Variants in UTRN observed in about 807,000 individuals in gnomAD.
UTRN encodes utrophin, also known as dystrophin-related protein 1.
In UTRN, 283 loss-of-function variants were observed where a neutral mutation model predicts 463.9. The ratio of observed to expected loss-of-function variants is 0.61; its 90% confidence interval spans 0.55 to 0.67. UTRN has a LOEUF of 0.67. UTRN is among the 30% of genes least tolerant of loss of function. UTRN has a pLI of 0.00. For synonymous variants in UTRN, 1,442 were observed against 1,431.5 expected, an observed-to-expected ratio of 1.01 and a Z score of -0.17; for missense variants, 3,922 against 4,084.3, an observed-to-expected ratio of 0.96 and a Z score of 1.08.
intron 1 of UTRN, among the ~76,000 whole-genome samples, chr6:144,291,504 T>G (rs1490369415): frequency 2.6e-5 from 4 of 152,240 alleles, no homozygotes; most frequent in Non-Finnish European, 5.9e-5. Flanking sequence ...ATTTGTAGTC[T>G]GTCAGTATTG....
intron 34 of UTRN, among the ~76,000 whole-genome samples, chr6:144,504,559 T>G (rs1345910663): frequency 6.6e-6 from 1 of 151,950 alleles, no homozygotes; most frequent in Admixed American, 6.6e-5. Context: ...GTGTATGGAT[T>G]ACATTTATTG....
intron 14 of UTRN, among the ~76,000 whole-genome samples, chr6:144,446,307 G>A (rs111405629): frequency 0.023 from 3,430 of 152,104 alleles, 63 homozygotes; most frequent in Middle Eastern, 0.092. Flanking sequence ...CTGTCTGATG[G>A]CATCATTATT....
At chr6:144,452,455 T>C (rs985740889) in intron 18 of UTRN, among the ~76,000 whole-genome samples, 1 of 152,132 alleles carries the variant, frequency 6.6e-6, no homozygotes, top group Non-Finnish European at 1.5e-5. Flanking sequence ...GAATAATATA[T>C]AAATATCAGT....
intron 51 of UTRN, among the ~76,000 whole-genome samples, chr6:144,578,610 C>G (rs1801671036): frequency 6.6e-6 from 1 of 152,216 alleles, no homozygotes; most frequent in African/African-American, 2.4e-5. Context: ...GCTGGGATTA[C>G]AGGCCTGAGC....
intron 51 of UTRN, among the ~76,000 whole-genome samples, chr6:144,592,769 C>T (rs753568356): frequency 2.6e-5 from 4 of 152,172 alleles, no homozygotes; most frequent in Non-Finnish European, 5.9e-5. Flanking sequence ...CTTGTATCCT[C>T]ACAGACAATA....
intron 2 of UTRN, among the ~76,000 whole-genome samples, chr6:144,357,040 G>T (rs561437044): frequency 6.6e-6 from 1 of 152,138 alleles, no homozygotes; most frequent in Non-Finnish European, 1.5e-5. Context: ...AGGAAGAAAT[G>T]TAAGTTCTAT....
At chr6:144,708,069 CT>C (rs71028303) in intron 53 of UTRN, 3,965 of 169,362 alleles carry the variant, frequency 0.023, 3 homozygotes, top group Middle Eastern at 0.033. Context: ...TGAAAATTAA[CT>C]TTTTTTTTTT....
chr6:144,764,638 TA>T (rs1793068641), intron 58 of UTRN, among the ~76,000 whole-genome samples: 3 of 152,130 alleles, frequency 2.0e-5, no homozygotes, highest in Admixed American at 2.0e-4. Context: ...ATTAAATTTT[TA>T]AAACTGCCAT....
At chr6:144,521,693 G>GT (rs1185260240) in intron 39 of UTRN, among the ~76,000 whole-genome samples, 1 of 152,032 alleles carries the variant, frequency 6.6e-6, no homozygotes, top group Non-Finnish European at 1.5e-5. Context: ...AGGAATTGTT[G>GT]TTTTTTGTTT....
intron 51 of UTRN, among the ~76,000 whole-genome samples, chr6:144,651,412 A>C (rs1347629115): frequency 6.6e-6 from 1 of 152,206 alleles, no homozygotes. Flanking sequence ...AGAAAAATCA[A>C]GGTTCAGACA....
chr6:144,592,006 G>A (rs1585438730), intron 51 of UTRN, among the ~76,000 whole-genome samples: 1 of 152,092 alleles, frequency 6.6e-6, no homozygotes, highest in East Asian at 1.9e-4. Flanking sequence ...TGCAGGCTAG[G>A]GTGGTTGTAA....
chr6:144,511,630 A>G (rs548316962), intron 35 of UTRN, among the ~76,000 whole-genome samples: 89 of 152,306 alleles, frequency 5.8e-4, no homozygotes, highest in Non-Finnish European at 1.1e-3. Flanking sequence ...CAGTTTTGCA[A>G]TGATTGATTA....
rs1484782146 is a variant in UTRN at position 144,486,070 on chromosome 6, TAAC to T, written c.3822+552_3822+554del. Among the ~76,000 whole-genome samples, 4 of 152,196 alleles carry T rather than the reference TAAC, an allele frequency of 2.6e-5. No individual in the cohort carries two copies. The East Asian group carries it at 7.7e-4, about 29-fold the overall frequency. On this transcript the variant is annotated intron_variant, in intron 28 of 74. Transcript: ENST00000367545. ...TCCCAGCACAGTGTGTAGCACATGT[TAAC>T]TTAATAACCGTTTCTTAAATGAAAT...
intron 58 of UTRN, among the ~76,000 whole-genome samples, chr6:144,764,237 G>A (rs765541622): frequency 2.0e-5 from 3 of 152,082 alleles, no homozygotes; most frequent in Non-Finnish European, 4.4e-5. Context: ...AGCATACCTT[G>A]GCTAACTAAA....
intron 53 of UTRN, among the ~76,000 whole-genome samples, chr6:144,716,486 A>C (rs1318294086): frequency 6.6e-6 from 1 of 152,198 alleles, no homozygotes; most frequent in African/African-American, 2.4e-5. Flanking sequence ...TAATTGTTAC[A>C]AATACAAAAA....
intron 50 of UTRN, among the ~76,000 whole-genome samples, chr6:144,564,748 A>T (rs1800248930): frequency 6.6e-6 from 1 of 152,116 alleles, no homozygotes. Context: ...AACATGGGGG[A>T]AACCATCCCC....
intron 41 of UTRN, among the ~76,000 whole-genome samples, chr6:144,529,414 A>G (rs1483068085): frequency 1.3e-5 from 2 of 152,154 alleles, no homozygotes; most frequent in African/African-American, 2.4e-5. Context: ...GTGTCTGCAC[A>G]TGCTGCTGTT....
At chr6:144,599,443 A>G (rs1261202506) in intron 51 of UTRN, among the ~76,000 whole-genome samples, 1 of 152,194 alleles carries the variant, frequency 6.6e-6, no homozygotes, top group Admixed American at 6.5e-5. Context: ...TGAAATGGAT[A>G]TGTCAACTAT....
chr6:144,443,370 A>G (rs1787354838), intron 13 of UTRN, among the ~76,000 whole-genome samples: 1 of 152,220 alleles, frequency 6.6e-6, no homozygotes. Flanking sequence ...TCTGAGATTC[A>G]GAGAGGTTAA....
Sources: allele counts gnomAD v4.1 joint callset (sites outside exome capture counted in the v4.1 genomes callset), GRCh38; gene constraint gnomAD v4.1.1; transcripts MANE v1.5; gene names NCBI Gene and HGNC (gene_info 2026-07-23, HGNC 2026-07-21).